XAB2: variants seen among roughly 807,000 people sequenced by gnomAD.
XAB2 encodes the protein pre-mRNA-splicing factor SYF1.
A neutral mutation model predicts 113.4 loss-of-function variants in XAB2; 57 were observed. That is an observed-to-expected ratio of 0.50 (90% confidence interval 0.41 to 0.63). The LOEUF is 0.63. XAB2 is among the 20% of genes least tolerant of loss of function. The pLI, the probability that XAB2 is intolerant of heterozygous loss-of-function variation, is 0.00. For synonymous variants in XAB2, 497 were observed against 498.8 expected (o/e 1.00, Z 0.05); for missense variants, 1,037 against 1,233.3 (o/e 0.84, Z 2.38).
In XAB2 at chr19:7,625,738, C is replaced by T; in HGVS notation, c.822+142G>A. On this transcript the variant is annotated intron_variant, in intron 6 of 18. Transcript: ENST00000358368. This position sits in a 1 kb window ranked among gnomAD's most constrained non-coding sequence, Gnocchi z 5.2. The stretch of plus-strand genomic sequence containing the variant: ...AAGTGATCCTACCGCCTCGGCCTCC[C>T]AAAGTGCTGGGATGACAGGTGTGAG... The T allele has an allele frequency of 3.3e-6, 4 of 1,228,612 alleles. No individual in the cohort carries two copies. Among genetic ancestry groups the T allele is most frequent in the Non-Finnish European group, 4.4e-6 (4 of 910,658 alleles). 76.1% of individuals were successfully genotyped at this position (1,228,612 alleles called of 1,614,324 possible).
At chr19:7,626,477 G>A (rs2031143372) in intron 4 of XAB2, among the ~76,000 whole-genome samples, 3 of 152,202 alleles carry the variant, frequency 2.0e-5, no homozygotes, top group South Asian at 2.1e-4. Flanking sequence ...TCAACCCCCT[G>A]TGGGTCCTGC....
At position 7,619,841 on chromosome 19, in the gene XAB2, C is replaced by T; in HGVS notation, c.2412G>A (p.Arg804=). The T allele has an allele frequency of 6.2e-7, 1 of 1,612,678 alleles. No homozygotes were observed. Among genetic ancestry groups the T allele is most frequent in the Non-Finnish European group, 8.5e-7 (1 of 1,179,934 alleles). Residue 804 remains arginine, a synonymous_variant, in exon 18 of 19, where the codon CGG becomes CGA. Transcript: ENST00000358368. The part of the protein sequence containing the change: ...KILFVRSDAS[R]EELAELAQQV... ...GCTGTGCCAGCTCTGCCAGCTCCTC[C>T]CGGGAGGCGTCACTCCTAGGGACGG...
At position 7,620,110 on chromosome 19, in the gene XAB2, G is replaced by A. The variant is rs114216182; in HGVS notation, c.2267-35C>T. On this transcript the variant is annotated intron_variant, in intron 16 of 18. Transcript: ENST00000358368. ...GGGAGCAGGGGGTCAGCGCCACGGGGGCCCCTCCCACACATCGGACGTTGC... is the reference window on the plus strand; with the variant it reads ...GGGAGCAGGGGGTCAGCGCCACGGGAGCCCCTCCCACACATCGGACGTTGC... 1.7e-4 allele frequency: 268 copies of A among 1,604,912 alleles called. No homozygotes were observed. The African/African-American group carries it at 3.3e-3, about 20-fold the overall frequency.
chr19:7,628,129 G>A lies in XAB2; in HGVS notation c.200+21C>T. ...AGGTGGGGTGGGGGCTGGTGGGCAG[G>A]GCAGCTGGAGCCATTCCCACCTGCA... is the stretch of plus-strand genomic sequence containing the variant. On this transcript the variant is annotated intron_variant, in intron 2 of 18. Transcript: ENST00000358368. The surrounding 1 kb of genome is among the most constrained non-coding windows in gnomAD (Gnocchi z 4.6). 1 of 1,605,020 alleles carries A rather than the reference G, an allele frequency of 6.2e-7. No homozygotes were observed. Among genetic ancestry groups the A allele is most frequent in the Non-Finnish European group, 8.5e-7 (1 of 1,176,038 alleles).
In XAB2 at chr19:7,623,944, C is replaced by T; in HGVS notation, c.968-62G>A. ...CCAGGATGCAGGTCCCCGGATGCCA[C>T]CGCCTCCACTCCCCACCCTCACTCC... is the stretch of plus-strand genomic sequence containing the variant. On this transcript the variant is annotated intron_variant, in intron 7 of 18. Coordinates refer to ENST00000358368, the MANE Select transcript of XAB2 (RefSeq NM_020196.3). The surrounding 1 kb of genome is among the most constrained non-coding windows in gnomAD (Gnocchi z 4.6). 1 of 1,477,420 alleles carries T rather than the reference C, an allele frequency of 6.8e-7. No individual in the cohort carries two copies. The highest frequency in any genetic ancestry group is 9.0e-7 in the Non-Finnish European group (1 of 1,113,144). The allele number at this position is 1,477,420 out of a possible 1,614,324, so 91.5% of individuals were successfully genotyped here.
In XAB2 at chr19:7,622,751, C is replaced by T. The variant is rs544235438; in HGVS notation, c.1371+11G>A. ...TGCAGCCCCCACCCCACAGCCTGGG[C>T]CTGTTCTCACTCGCAGCAGCCGCAA... On this transcript the variant is annotated intron_variant, in intron 10 of 18. Coordinates refer to ENST00000358368, the MANE Select transcript of XAB2 (RefSeq NM_020196.3). 1.1e-4 allele frequency: 172 copies of T among 1,613,772 alleles called. No homozygotes were observed. Among genetic ancestry groups the T allele is most frequent in the Non-Finnish European group, 1.4e-4 (167 of 1,180,008 alleles).
At position 7,627,659 on chromosome 19, in the gene XAB2, G is replaced by C. The variant is rs2031167776; in HGVS notation, c.324+69C>G. 1 of 1,565,004 alleles carries C rather than the reference G, an allele frequency of 6.4e-7. No individual in the cohort carries two copies. The highest frequency in any genetic ancestry group is 8.8e-7 in the Non-Finnish European group (1 of 1,141,394). On this transcript the variant is annotated intron_variant, in intron 3 of 18. Coordinates refer to ENST00000358368, the MANE Select transcript of XAB2 (RefSeq NM_020196.3). This position sits in a 1 kb window ranked among gnomAD's most constrained non-coding sequence, Gnocchi z 4.5. ...CCCTAACATGCTGAGCCCAGCCCCT[G>C]TCCCCGCCCCACCCACCACCATGGA... is the stretch of plus-strand genomic sequence containing the variant.
Position 7,626,128 on chromosome 19 carries a change from A to G in XAB2, c.657+8T>C. 1 of 1,613,282 alleles carries G rather than the reference A, an allele frequency of 6.2e-7. No homozygotes were observed. On this transcript the variant is annotated splice_region_variant and intron_variant, in intron 5 of 18. Coordinates refer to ENST00000358368, the MANE Select transcript of XAB2 (RefSeq NM_020196.3). The stretch of plus-strand genomic sequence containing the variant: ...TCCCACCCAGTTGCCGGCTCCCGGC[A>G]GGCCCACCTGGTAGTTGGACTTGCC...
intron 1 of XAB2, among the ~76,000 whole-genome samples, chr19:7,629,128 G>A (rs560824824): frequency 6.6e-5 from 10 of 152,236 alleles, no homozygotes; most frequent in African/African-American, 2.4e-4. Flanking sequence ...CCCTGGCCTC[G>A]TAAGCAAGCC....
intron 9 of XAB2, 102 bp from the exon 10 acceptor site, chr19:7,622,995 AAC>A: frequency 1.3e-6 from 2 of 1,554,070 alleles, no homozygotes; most frequent in Non-Finnish European, 1.7e-6. Context: ...TACAGGCACA[AAC>A]ACACAGGCAC....
chr19:7,622,603 T>C lies in XAB2; in HGVS notation c.1430A>G (p.Gln477Arg). Residue 477 changes from glutamine to arginine, a missense_variant, in exon 11 of 19, where the codon CAG (glutamine) becomes CGG (arginine). Gln to Arg is a conservative substitution (Grantham distance 43). Transcript: ENST00000358368. ...AEYFDGSEPV[Q>R]NRVYKSLKVW... ...CTTCAGTGACTTGTACACGCGGTTC[T>C]GCACGGGCTCTGAACCATCAAAGTA... is the stretch of plus-strand genomic sequence containing the variant. 1 of 1,612,828 alleles carries C rather than the reference T, an allele frequency of 6.2e-7. No individual in the cohort carries two copies. The highest frequency in any genetic ancestry group is 8.5e-7 in the Non-Finnish European group (1 of 1,180,028).
chr19:7,621,985 G>A (rs1010996818), intron 12 of XAB2: 1 of 243,440 alleles, frequency 4.1e-6, no homozygotes, highest in African/African-American at 2.3e-5. Context: ...AGATCACTAA[G>A]TTAAACTGAG....
chr19:7,628,037 A>G lies in XAB2; in HGVS notation c.200+113T>C. ...TGACCCATCAAGGGATGTACAGGTC[A>G]GTGATGAAACACGAAGCAATCACCC... On this transcript the variant is annotated intron_variant, in intron 2 of 18. Coordinates refer to ENST00000358368, the MANE Select transcript of XAB2 (RefSeq NM_020196.3). The surrounding 1 kb of genome is among the most constrained non-coding windows in gnomAD (Gnocchi z 4.6). 2 of 1,479,300 alleles carry G rather than the reference A, an allele frequency of 1.4e-6. No homozygotes were observed. The highest frequency in any genetic ancestry group is 1.3e-5 in the South Asian group (1 of 78,668). 91.6% of individuals were successfully genotyped at this position (1,479,300 alleles called of 1,614,324 possible).
At chr19:7,621,441 G>A (rs2031032052) in intron 12 of XAB2, 144 bp from the exon 13 acceptor site, 1 of 852,470 alleles carries the variant, frequency 1.2e-6, no homozygotes, top group African/African-American at 1.7e-5. Context: ...GTCCCTAATG[G>A]CAGTTGTGGG....
In XAB2 at chr19:7,620,439, C is replaced by A; in HGVS notation, c.2102G>T (p.Gly701Val). Residue 701 changes from glycine (G) to valine (V), a missense_variant, in exon 16 of 19, where the codon GGC becomes GTC. Physicochemically the swap from Gly to Val is moderately radical, Grantham distance 109. Coordinates refer to ENST00000358368, the MANE Select transcript of XAB2 (RefSeq NM_020196.3). ...CSQICDPRTT[G>V]AFWQTWKDFE... Reference sequence around the variant, plus strand: ...GTCCTTCCACGTCTGCCAGAACGCGCCGGTCGTCTGCGTGGGGGGCAGGGC... The same window carrying A: ...GTCCTTCCACGTCTGCCAGAACGCGACGGTCGTCTGCGTGGGGGGCAGGGC... The A allele has an allele frequency of 6.2e-7, 1 of 1,608,852 alleles. No individual in the cohort carries two copies.
intron 1 of XAB2, among the ~76,000 whole-genome samples, 176 bp downstream of exon 1, chr19:7,629,301 T>C (rs1466291301): frequency 1.3e-5 from 2 of 152,224 alleles, no homozygotes; most frequent in Non-Finnish European, 2.9e-5. Context: ...ACCATATTTT[T>C]ACTCCTGGAC....
At position 7,619,845 on chromosome 19, in the gene XAB2, G is replaced by T; in HGVS notation, c.2408C>A (p.Ser803Tyr). The change falls in exon 18 of 19, where the codon TCC becomes TAC. Residue 803 changes from serine (S) to tyrosine (Y), a missense_variant. Coordinates refer to ENST00000358368, the MANE Select transcript of XAB2 (RefSeq NM_020196.3). The stretch of plus-strand genomic sequence containing the variant: ...TGCCAGCTCTGCCAGCTCCTCCCGG[G>T]AGGCGTCACTCCTAGGGACGGGCCA... ...SKILFVRSDA[S>Y]REELAELAQQ... is the part of the protein sequence containing the mutation. The T allele has an allele frequency of 6.2e-7, 1 of 1,612,446 alleles. No homozygotes were observed.
chr19:7,625,972 T>C lies in XAB2; in HGVS notation c.730A>G (p.Ile244Val). Residue 244 changes from isoleucine (I) to valine (V), a missense_variant, in exon 6 of 19, where the codon ATC becomes GTC. By Grantham distance (29) the Ile-to-Val change is conservative. Transcript: ENST00000358368. The surrounding 1 kb of genome is among the most constrained non-coding windows in gnomAD (Gnocchi z 5.2). Reference protein sequence around the residue: ...KVQSLNVDAIIRGGLTRFTDQ... With the variant: ...KVQSLNVDAIVRGGLTRFTDQ... Reference sequence around the variant, plus strand: ...GTGAAGCGGGTGAGGCCCCCGCGGATGATGGCGTCCACATTGAGGGACTGT... The same window carrying C: ...GTGAAGCGGGTGAGGCCCCCGCGGACGATGGCGTCCACATTGAGGGACTGT... The C allele has an allele frequency of 6.2e-7, 1 of 1,613,852 alleles. No homozygotes were observed. Among genetic ancestry groups the C allele is most frequent in the South Asian group, 1.1e-5 (1 of 91,048 alleles).
At position 7,624,560 on chromosome 19, in the gene XAB2, A is replaced by G. The variant is rs1192419078; in HGVS notation, c.823-115T>C. 1.9e-5 allele frequency: 28 copies of G among 1,476,438 alleles called. No individual in the cohort carries two copies. The highest frequency in any genetic ancestry group is 2.4e-5 in the Non-Finnish European group (26 of 1,087,242). 91.5% of individuals were successfully genotyped at this position (1,476,438 alleles called of 1,614,324 possible). A position where few individuals can be genotyped will look rare whatever the true frequency, so the allele number is the denominator to read the frequency against. On this transcript the variant is annotated intron_variant, in intron 6 of 18. Coordinates refer to ENST00000358368, the MANE Select transcript of XAB2 (RefSeq NM_020196.3). The surrounding 1 kb of genome is among the most constrained non-coding windows in gnomAD (Gnocchi z 4.2). ...CTGGGGGCCTTCTGGGTAGTGACGC[A>G]TCCAGCACCTCTGGGTAGTGACCCC...
Sources: allele counts gnomAD v4.1 joint callset (sites outside exome capture counted in the v4.1 genomes callset), GRCh38; gene constraint gnomAD v4.1.1; non-coding constraint Gnocchi (gnomAD v3.1); transcripts MANE v1.5; gene names NCBI Gene and HGNC (gene_info 2026-07-23, HGNC 2026-07-21).